The following ALCAM variants were observed in gnomAD, a reference collection of about 807,000 sequenced individuals.
ALCAM encodes the protein activated leukocyte cell adhesion molecule.
ALCAM carries 30 observed loss-of-function variants against 70.9 expected under a neutral mutation model. That is an observed-to-expected ratio of 0.42 (90% CI 0.32 to 0.57). The LOEUF is 0.57. ALCAM is among the 20% of genes least tolerant of loss of function. ALCAM has a pLI of 0.11. For missense variants in ALCAM, 591 were observed against 695.1 expected (o/e 0.85, Z 1.68); for synonymous variants, 249 against 242.5 (o/e 1.03, Z -0.25).
chr3:105,455,000 T>C (rs1247231933), intron 1 of ALCAM, among the ~76,000 whole-genome samples: 4 of 151,992 alleles, frequency 2.6e-5, no homozygotes, highest in Non-Finnish European at 5.9e-5. Flanking sequence ...CTAAAATTTA[T>C]TAACTGAATG....
At chr3:105,573,981 T>G (rs1329420004) in intron 15 of ALCAM, among the ~76,000 whole-genome samples, 1 of 152,214 alleles carries the variant, frequency 6.6e-6, no homozygotes, top group African/African-American at 2.4e-5. Flanking sequence ...ACTGGATTGC[T>G]TCTCTATCTC....
chr3:105,388,482 C>G (rs1249947095), intron 1 of ALCAM, among the ~76,000 whole-genome samples: 1 of 151,470 alleles, frequency 6.6e-6, no homozygotes, highest in Non-Finnish European at 1.5e-5. Flanking sequence ...ATACCATACT[C>G]CAAGCAGAGA....
chr3:105,372,717 C>T (rs1221301021), intron 1 of ALCAM, among the ~76,000 whole-genome samples: 2 of 152,106 alleles, frequency 1.3e-5, no homozygotes, highest in Admixed American at 1.3e-4. Flanking sequence ...ATAGGTTAAT[C>T]AGAAATTAGA....
intron 1 of ALCAM, among the ~76,000 whole-genome samples, chr3:105,446,518 C>A (rs1159793527): frequency 6.6e-6 from 1 of 151,992 alleles, no homozygotes; most frequent in Non-Finnish European, 1.5e-5. Context: ...TAGCTGCACT[C>A]TCATGTTTAT....
intron 2 of ALCAM, among the ~76,000 whole-genome samples, chr3:105,522,237 C>T (rs1045511128): frequency 1.1e-4 from 17 of 152,086 alleles, no homozygotes; most frequent in African/African-American, 3.9e-4. Flanking sequence ...AAGTCTTCAG[C>T]AATAAACTGA....
At chr3:105,427,860 A>G (rs1367666633) in intron 1 of ALCAM, among the ~76,000 whole-genome samples, 1 of 151,956 alleles carries the variant, frequency 6.6e-6, no homozygotes, top group African/African-American at 2.4e-5. Context: ...TTACCATTGG[A>G]AAACACCTTT....
intron 1 of ALCAM, among the ~76,000 whole-genome samples, chr3:105,455,575 A>T (rs1360632700): frequency 6.6e-6 from 1 of 152,204 alleles, no homozygotes; most frequent in Non-Finnish European, 1.5e-5. Context: ...AGGAGGCAGG[A>T]CTCAACTCTG....
At chr3:105,402,051 G>A (rs1332026228) in intron 1 of ALCAM, among the ~76,000 whole-genome samples, 1 of 151,506 alleles carries the variant, frequency 6.6e-6, no homozygotes, top group African/African-American at 2.4e-5. Context: ...AGCAAAGTGA[G>A]TGATAGAAAT....
Position 105,552,515 on chromosome 3 carries a change from A to G in ALCAM, c.1594A>G (p.Ile532Val). ...TGACCAGGCAAAACTAATTGTGGGA[A>G]TCGTTGTTGGTCTCCTCCTTGCTGC... ...VNDQAKLIVGIVVGLLLAALV... is the reference protein window; with the variant it reads ...VNDQAKLIVGVVVGLLLAALV... The change falls in exon 14 of 16, where the codon ATC (isoleucine) becomes GTC (valine). Residue 532 changes from isoleucine to valine, a missense_variant. Around this residue, in one of 2 missense-constraint regions of ALCAM, gnomAD observed 164 missense variants for 244.7 expected, o/e 0.67. Coordinates refer to ENST00000306107, the MANE Select transcript of ALCAM (RefSeq NM_001627.4). 6.2e-6 allele frequency: 10 copies of G among 1,611,772 alleles called. No homozygotes were observed. Among genetic ancestry groups the G allele is most frequent in the Non-Finnish European group, 7.6e-6 (9 of 1,178,382 alleles).
intron 2 of ALCAM, 101 bp from the exon 3 acceptor site, chr3:105,524,188 T>G: frequency 1.0e-6 from 1 of 959,004 alleles, no homozygotes; most frequent in South Asian, 1.8e-5. Flanking sequence ...ACAAAAAATA[T>G]AGATATTGGT....
At position 105,540,022 on chromosome 3, in the gene ALCAM, A is replaced by T; in HGVS notation, c.778A>T (p.Ile260Phe). Residue 260 changes from isoleucine (I) to phenylalanine (F), a missense_variant, in exon 7 of 16, where the codon ATC becomes TTC. Transcript: ENST00000306107. Reference protein sequence around the residue: ...TIQVLPPKNAIKEGDNITLKC... With the variant: ...TIQVLPPKNAFKEGDNITLKC... ...ACAAGTGCTGCCACCAAAAAATGCC[A>T]TCAAAGAAGGGGATAACATCACTCT... 2 of 1,612,680 alleles carry T rather than the reference A, an allele frequency of 1.2e-6. No homozygotes were observed. The highest frequency in any genetic ancestry group is 1.7e-6 in the Non-Finnish European group (2 of 1,179,026).
rs1937047163 is a variant in ALCAM at position 105,436,290 on chromosome 3, G to T, written c.73+68809G>T. ...TTGCCAGTGTATTTTAGGATGGCAG[G>T]GATTAAAATCCATCCATTCAACAAC... On this transcript the variant is annotated intron_variant, in intron 1 of 15. Transcript: ENST00000306107. Among the ~76,000 whole-genome samples, 2 of 152,088 alleles carry T rather than the reference G, an allele frequency of 1.3e-5. 1 individual carries two copies. The highest frequency in any genetic ancestry group is 4.8e-5 in the African/African-American group (2 of 41,484).
intron 1 of ALCAM, among the ~76,000 whole-genome samples, chr3:105,418,087 G>A (rs1031041299): frequency 4.0e-5 from 6 of 151,678 alleles, no homozygotes; most frequent in Admixed American, 6.6e-5. Context: ...TAAAAAATTC[G>A]TTACATTCTC....
chr3:105,381,342 G>A (rs1342151510), intron 1 of ALCAM, among the ~76,000 whole-genome samples: 1 of 151,892 alleles, frequency 6.6e-6, no homozygotes. Context: ...ATTGCCAGCT[G>A]TAGCTCCTCT....
At chr3:105,429,415 A>T (rs1387655709) in intron 1 of ALCAM, among the ~76,000 whole-genome samples, 1 of 152,034 alleles carries the variant, frequency 6.6e-6, no homozygotes, top group African/African-American at 2.4e-5. Flanking sequence ...CATATGAACT[A>T]GCTTGAACAT....
rs570798664 is a variant in ALCAM at position 105,471,290 on chromosome 3, TAAAAGA to T, written c.74-48765_74-48760del. ...TTTAAATCCAGTCTGGTCAAACTGT[TAAAAGA>T]AAAAGAAAAAGTAAACATAGGAAAA... is the stretch of plus-strand genomic sequence containing the variant. On this transcript the variant is annotated intron_variant, in intron 1 of 15. Coordinates refer to ENST00000306107, the MANE Select transcript of ALCAM (RefSeq NM_001627.4). 7.2e-3 allele frequency among the ~76,000 whole-genome samples: 1,092 copies of T among 151,370 alleles called. 15 individuals carry two copies. Among genetic ancestry groups the T allele is most frequent in the African/African-American group, 0.025 (1,040 of 41,404 alleles).
At chr3:105,494,181 G>A (rs1018244611) in intron 1 of ALCAM, among the ~76,000 whole-genome samples, 4 of 152,034 alleles carry the variant, frequency 2.6e-5, no homozygotes, top group African/African-American at 4.8e-5. Context: ...GGGCCCAATG[G>A]GGGGGAAAAA....
intron 1 of ALCAM, among the ~76,000 whole-genome samples, chr3:105,375,236 G>A (rs1042309478): frequency 7.9e-5 from 12 of 152,088 alleles, no homozygotes; most frequent in Admixed American, 7.9e-4. Flanking sequence ...AGACTGTCCT[G>A]GTTTATGCCT....
intron 1 of ALCAM, among the ~76,000 whole-genome samples, chr3:105,384,572 G>A (rs971936590): frequency 1.3e-5 from 2 of 151,394 alleles, no homozygotes; most frequent in Admixed American, 1.3e-4. Context: ...TCTGAGGCAA[G>A]CTGTCTTCTG....
Sources: allele counts gnomAD v4.1 joint callset (sites outside exome capture counted in the v4.1 genomes callset), GRCh38; gene constraint gnomAD v4.1.1; regional missense constraint gnomAD v4.1.1; transcripts MANE v1.5; gene names NCBI Gene and HGNC (gene_info 2026-07-23, HGNC 2026-07-21).